The following TYW1B variants were observed in gnomAD, a reference collection of about 807,000 sequenced individuals.
TYW1B encodes the protein tRNA-yW synthesizing protein 1 homolog B, also known as S-adenosyl-L-methionine-dependent tRNA 4-demethylwyosine synthase TYW1B.
In TYW1B, 73 loss-of-function variants were observed where a neutral mutation model predicts 86.9. That is an observed-to-expected ratio of 0.84 (90% CI 0.70 to 1.02). The LOEUF (loss-of-function observed/expected upper bound fraction) is 1.02. Among genes scored for constraint, TYW1B ranks in the 50% least tolerant of loss-of-function variants. TYW1B has a pLI of 0.00. For synonymous variants in TYW1B, 248 were observed against 292.8 expected, an observed-to-expected ratio of 0.85 and a Z score of 1.56; for missense variants, 637 against 827.4, an observed-to-expected ratio of 0.77 and a Z score of 2.82.
intron 11 of TYW1B, among the ~76,000 whole-genome samples, chr7:72,668,362 T>C (rs1813516094): frequency 6.6e-6 from 1 of 152,234 alleles, no homozygotes; most frequent in East Asian, 1.9e-4. Context: ...AATGATTACT[T>C]GAATGTTTTT....
At chr7:72,794,626 G>A (rs1241263869) in intron 6 of TYW1B, among the ~76,000 whole-genome samples, 1 of 151,966 alleles carries the variant, frequency 6.6e-6, no homozygotes, top group African/African-American at 2.4e-5. Flanking sequence ...GAAAGACAAA[G>A]TACACTTCTC....
chr7:72,581,118 G>T (rs1811141228), intron 13 of TYW1B, among the ~76,000 whole-genome samples: 1 of 109,622 alleles, frequency 9.1e-6, no homozygotes. Flanking sequence ...AAGTTCCTGA[G>T]CCCCCTGCAT....
At chr7:72,594,371 A>G (rs1373566500) in intron 13 of TYW1B, among the ~76,000 whole-genome samples, 3 of 151,744 alleles carry the variant, frequency 2.0e-5, no homozygotes, top group Non-Finnish European at 4.4e-5. Context: ...AGAGTGTACT[A>G]TAAACAATGG....
In TYW1B at chr7:72,707,430, TGTTA is replaced by T. The variant is rs200450214; in HGVS notation, c.1370+6187_1370+6190del. On this transcript the variant is annotated intron_variant, in intron 10 of 13. Coordinates refer to ENST00000620995, the MANE Select transcript of TYW1B (RefSeq NM_001145440.3). ...AAGAATTATGAGCTAAATAAATGATTGTTAGTTAGTTTGAGATGGGTGGTTGCAG... is the reference window on the plus strand; with the variant it reads ...AAGAATTATGAGCTAAATAAATGATTGTTAGTTTGAGATGGGTGGTTGCAG... Among the ~76,000 whole-genome samples the T allele has an allele frequency of 6.5e-3, 983 of 152,324 alleles. 7 individuals carry two copies. Among genetic ancestry groups the T allele is most frequent in the African/African-American group, 0.022 (918 of 41,574 alleles).
intron 12 of TYW1B, among the ~76,000 whole-genome samples, chr7:72,627,176 G>A (rs1313440739): frequency 6.6e-6 from 1 of 152,060 alleles, no homozygotes; most frequent in Non-Finnish European, 1.5e-5. Flanking sequence ...GCCCGGCGCG[G>A]TAGTTCTAAC....
chr7:72,663,988 T>G (rs1385643142), intron 11 of TYW1B, among the ~76,000 whole-genome samples: 1 of 151,986 alleles, frequency 6.6e-6, no homozygotes, highest in African/African-American at 2.4e-5. Flanking sequence ...TACTGAGATA[T>G]ATAAACATCA....
chr7:72,627,800 C>T (rs1812384763), intron 12 of TYW1B, among the ~76,000 whole-genome samples: 1 of 152,078 alleles, frequency 6.6e-6, no homozygotes, highest in Admixed American at 6.6e-5. Context: ...ACTATAGGCA[C>T]CAATCCACAG....
At chr7:72,767,359 C>T (rs1311749590) in intron 7 of TYW1B, among the ~76,000 whole-genome samples, 4 of 152,088 alleles carry the variant, frequency 2.6e-5, no homozygotes, top group African/African-American at 9.7e-5. Context: ...GTAATACCAG[C>T]ACTTTGGGAG....
chr7:72,791,619 C>T (rs1554473471), intron 6 of TYW1B, among the ~76,000 whole-genome samples: 1 of 151,878 alleles, frequency 6.6e-6, no homozygotes, highest in Non-Finnish European at 1.5e-5. Context: ...CTACTAAAAA[C>T]ACAAAAAATT....
Position 72,694,735 on chromosome 7 carries a change from C to T in TYW1B, c.1458G>A (p.Lys486=), listed in dbSNP as rs782287811. Residue 486 remains lysine, a synonymous_variant, in exon 11 of 14, where the codon AAG becomes AAA. Transcript: ENST00000620995. ...SLKKIDRPLF[K]DFWQQFLDSL... ...TGTCAAGGAATTGCTGCCAGAAATCCTTGAAGAGTGGGCGGTCGATTTTCT... is the reference window on the plus strand; with the variant it reads ...TGTCAAGGAATTGCTGCCAGAAATCTTTGAAGAGTGGGCGGTCGATTTTCT... The T allele has an allele frequency of 6.8e-6, 11 of 1,613,852 alleles. No individual in the cohort carries two copies. In the Middle Eastern group the frequency reaches 4.9e-4, roughly 73 times the overall value.
chr7:72,720,457 C>T (rs1786874408), intron 9 of TYW1B, among the ~76,000 whole-genome samples: 1 of 151,930 alleles, frequency 6.6e-6, no homozygotes, highest in Non-Finnish European at 1.5e-5. Context: ...CCCATTTAGA[C>T]AATCACAAAA....
At chr7:72,795,580 G>C (rs1788291842) in intron 6 of TYW1B, among the ~76,000 whole-genome samples, 1 of 151,854 alleles carries the variant, frequency 6.6e-6, no homozygotes, top group Non-Finnish European at 1.5e-5. Context: ...TCACATTTTA[G>C]TAGAAATGAT....
At chr7:72,761,532 A>G (rs557002456) in intron 7 of TYW1B, among the ~76,000 whole-genome samples, 2 of 151,836 alleles carry the variant, frequency 1.3e-5, no homozygotes, top group African/African-American at 4.8e-5. Flanking sequence ...TTGAGGCTGC[A>G]GTGAGCTATG....
At chr7:72,693,081 A>G (rs1814212202) in intron 11 of TYW1B, among the ~76,000 whole-genome samples, 1 of 152,170 alleles carries the variant, frequency 6.6e-6, no homozygotes, top group Non-Finnish European at 1.5e-5. Context: ...CATGAGGACC[A>G]GGAAACTGTC....
In TYW1B at chr7:72,592,263, G is replaced by A. The variant is rs561983492; in HGVS notation, c.1786-16544C>T. Among the ~76,000 whole-genome samples the A allele has an allele frequency of 2.6e-4, 39 of 151,940 alleles. 1 individual carries two copies. The highest frequency in any genetic ancestry group is 2.1e-4 in the Non-Finnish European group (14 of 67,998). ...TCTGTGACATCAACAACTGAAATGA[G>A]TGGGGACAGAGCTGTAAAGGAATAT... On this transcript the variant is annotated intron_variant, in intron 13 of 13. Transcript: ENST00000620995.
chr7:72,624,619 G>A (rs1554438472), intron 12 of TYW1B, among the ~76,000 whole-genome samples: 1 of 152,186 alleles, frequency 6.6e-6, no homozygotes, highest in African/African-American at 2.4e-5. Context: ...CAAAGCATGA[G>A]ACTGACCTCC....
intron 13 of TYW1B, among the ~76,000 whole-genome samples, chr7:72,608,593 G>T (rs1322507620): frequency 4.6e-5 from 7 of 152,208 alleles, no homozygotes; most frequent in Admixed American, 1.3e-4. Context: ...TAGATTGGCA[G>T]AGTAGACTAA....
chr7:72,787,251 C>G (rs1438547476), intron 6 of TYW1B, among the ~76,000 whole-genome samples: 1 of 151,242 alleles, frequency 6.6e-6, no homozygotes, highest in African/African-American at 2.4e-5. Context: ...CACTTGAGAT[C>G]AGGAGTTCAA....
At chr7:72,607,515 G>T (rs1292940150) in intron 13 of TYW1B, among the ~76,000 whole-genome samples, 1 of 151,000 alleles carries the variant, frequency 6.6e-6, no homozygotes, top group Non-Finnish European at 1.5e-5. Context: ...GAAGGAAGGA[G>T]AAATAGTTAA....
Sources: allele counts gnomAD v4.1 joint callset (sites outside exome capture counted in the v4.1 genomes callset), GRCh38; gene constraint gnomAD v4.1.1; transcripts MANE v1.5; gene names NCBI Gene and HGNC (gene_info 2026-07-23, HGNC 2026-07-21).